Variants in MELK observed in about 807,000 individuals in gnomAD.
The protein encoded by MELK is pEg3 kinase.
Under a neutral mutation model 85.0 loss-of-function variants are expected in MELK, and 81 were observed. The observed-to-expected ratio is 0.95, with a 90% CI of 0.80 to 1.15. The LOEUF is 1.15. MELK is among the 50% of genes most tolerant of loss of function. The pLI is 0.00. For synonymous variants in MELK, 252 were observed against 265.0 expected, an observed-to-expected ratio of 0.95 and a Z score of 0.48; for missense variants, 754 against 777.5, an observed-to-expected ratio of 0.97 and a Z score of 0.36.
chr9:36,677,137 GCTT>G lies in MELK; in HGVS notation c.1779-19_1779-17del. ...CAGAATATGGTTCTCCTACTAACTAGCTTCTTATCTTGTTTTTCACAGTTATAC... is the reference window on the plus strand; with the variant it reads ...CAGAATATGGTTCTCCTACTAACTAGCTTATCTTGTTTTTCACAGTTATAC... On this transcript the variant is annotated intron_variant, in intron 17 of 17. Transcript: ENST00000298048. The G allele has an allele frequency of 6.2e-7, 1 of 1,603,290 alleles. No individual in the cohort carries two copies. Among genetic ancestry groups the G allele is most frequent in the Non-Finnish European group, 8.5e-7 (1 of 1,172,514 alleles).
chr9:36,592,797 T>C (rs761178522), intron 4 of MELK, among the ~76,000 whole-genome samples: 5 of 152,196 alleles, frequency 3.3e-5, no homozygotes, highest in Admixed American at 6.6e-5. Flanking sequence ...ACATTTCCTA[T>C]TGAGGTATAA....
chr9:36,610,108 G>A (rs1825941445), intron 8 of MELK, among the ~76,000 whole-genome samples: 1 of 152,174 alleles, frequency 6.6e-6, no homozygotes, highest in Non-Finnish European at 1.5e-5. Flanking sequence ...ATAGAAGTGG[G>A]AGAGACGTGG....
At chr9:36,606,520 G>C (rs1238781519) in intron 7 of MELK, among the ~76,000 whole-genome samples, 1 of 129,424 alleles carries the variant, frequency 7.7e-6, no homozygotes, top group Non-Finnish European at 1.6e-5. Context: ...ATGTATAGGT[G>C]TGTATATAAT....
chr9:36,643,808 C>T (rs73439134), intron 11 of MELK, among the ~76,000 whole-genome samples: 1 of 151,906 alleles, frequency 6.6e-6, no homozygotes, highest in Non-Finnish European at 1.5e-5. Context: ...GTAGCAGATG[C>T]CTGTAGTCTC....
At chr9:36,604,634 T>G (rs1825297608) in intron 7 of MELK, among the ~76,000 whole-genome samples, 1 of 151,634 alleles carries the variant, frequency 6.6e-6, no homozygotes, top group African/African-American at 2.4e-5. Context: ...ATTACAGGCG[T>G]GAGCCACCAT....
chr9:36,665,444 A>AAAATGT lies in MELK; in HGVS notation c.1273_1278dup (p.Asn425_Val426dup), dbSNP rs1587616789. The stretch of plus-strand genomic sequence containing the variant: ...CCTGCAAATAAATTAAAGAACAAAG[A>AAAATGT]AAATGTATATACTCCTAAGTCTGCT... On this transcript the variant is annotated inframe_insertion, in exon 14 of 18. Coordinates refer to ENST00000298048, the MANE Select transcript of MELK (RefSeq NM_014791.4). The AAAATGT allele has an allele frequency of 2.5e-6, 4 of 1,613,526 alleles. No individual in the cohort carries two copies. In the African/African-American group the frequency reaches 4.0e-5, roughly 16 times the overall value.
chr9:36,627,096 T>C lies in MELK; in HGVS notation c.667-3203T>C, dbSNP rs546558181. ...CACACACACACACACACACGCCAAC[T>C]GTAAATGAATGCGGCTAGAAGGATG... On this transcript the variant is annotated intron_variant, in intron 8 of 17. Transcript: ENST00000298048. Among the ~76,000 whole-genome samples the C allele has an allele frequency of 2.7e-4, 33 of 122,924 alleles. No individual in the cohort carries two copies. In the South Asian group the frequency reaches 8.3e-3, roughly 31 times the overall value. The allele number at this position is 122,924 out of a possible 152,430, so 80.6% of individuals were successfully genotyped here.
At chr9:36,630,188 T>A in intron 8 of MELK, 111 bp from the exon 9 acceptor site, 1 of 791,372 alleles carries the variant, frequency 1.3e-6, no homozygotes, top group South Asian at 1.6e-5. Flanking sequence ...CCAAGTATTG[T>A]AGTTGGGTGA....
At chr9:36,667,258 C>T (rs565525939) in intron 14 of MELK, among the ~76,000 whole-genome samples, 10 of 151,584 alleles carry the variant, frequency 6.6e-5, no homozygotes, top group Non-Finnish European at 8.8e-5. Flanking sequence ...TGGGTTCAAG[C>T]GATTCTCCTG....
chr9:36,674,206 C>G (rs1833139111), intron 16 of MELK, among the ~76,000 whole-genome samples: 1 of 152,066 alleles, frequency 6.6e-6, no homozygotes, highest in Non-Finnish European at 1.5e-5. Flanking sequence ...AGTAAACATT[C>G]AAAAGTAGTT....
At chr9:36,638,540 C>T (rs1250331867) in intron 10 of MELK, among the ~76,000 whole-genome samples, 1 of 152,152 alleles carries the variant, frequency 6.6e-6, no homozygotes, top group Non-Finnish European at 1.5e-5. Context: ...CGACCTCAGC[C>T]TCCCAAAGTT....
At chr9:36,618,632 T>C (rs535296830) in intron 8 of MELK, among the ~76,000 whole-genome samples, 1 of 152,196 alleles carries the variant, frequency 6.6e-6, no homozygotes, top group Admixed American at 6.5e-5. Flanking sequence ...CATTACTGTT[T>C]GCTTGTATTC....
intron 3 of MELK, among the ~76,000 whole-genome samples, 183 bp from the exon 4 acceptor site, chr9:36,589,353 T>C (rs1823286641): frequency 6.6e-6 from 1 of 152,084 alleles, no homozygotes; most frequent in Non-Finnish European, 1.5e-5. Flanking sequence ...TTTCATCGTG[T>C]TAGCCAGGAT....
intron 11 of MELK, among the ~76,000 whole-genome samples, chr9:36,648,816 C>T (rs1830445277): frequency 6.6e-6 from 1 of 152,050 alleles, no homozygotes; most frequent in African/African-American, 2.4e-5. Flanking sequence ...ACACATAGAA[C>T]CTCTCATCAG....
intron 14 of MELK, among the ~76,000 whole-genome samples, chr9:36,666,509 G>A (rs1480187851): frequency 1.3e-5 from 2 of 152,168 alleles, no homozygotes; most frequent in Non-Finnish European, 2.9e-5. Context: ...CAGTGATCCT[G>A]TTTATGTCAC....
chr9:36,674,893 A>G lies in MELK; in HGVS notation c.1734A>G (p.Ile578Met), dbSNP rs897387671. Reference protein sequence around the residue: ...LVNPDQLLNEIMSILPKKHVD... With the variant: ...LVNPDQLLNEMMSILPKKHVD... ...ATCCAGATCAACTGTTGAATGAAAT[A>G]ATGTCTATTCTTCCAAAGAAGCATG... is the stretch of plus-strand genomic sequence containing the variant. Residue 578 changes from isoleucine (I) to methionine (M), a missense_variant, in exon 17 of 18, where the codon ATA (isoleucine) becomes ATG (methionine). Transcript: ENST00000298048. 6.3e-7 allele frequency: 1 copy of G among 1,599,574 alleles called. No homozygotes were observed. Among genetic ancestry groups the G allele is most frequent in the East Asian group, 2.2e-5 (1 of 44,804 alleles).
At chr9:36,660,468 C>T (rs1242276666) in intron 13 of MELK, among the ~76,000 whole-genome samples, 1 of 152,064 alleles carries the variant, frequency 6.6e-6, no homozygotes, top group Admixed American at 6.5e-5. Flanking sequence ...TAGGCATGCA[C>T]CACCATGCCC....
chr9:36,606,879 GA>G (rs1169818625), intron 7 of MELK: 5 of 151,790 alleles, frequency 3.3e-5, no homozygotes, highest in African/African-American at 1.2e-4. Context: ...CCGACTCTTG[GA>G]TTCAAGCGAT....
intron 1 of MELK, among the ~76,000 whole-genome samples, chr9:36,577,721 G>A (rs961175873): frequency 1.3e-5 from 2 of 151,884 alleles, no homozygotes; most frequent in African/African-American, 2.4e-5. Flanking sequence ...GCATGATCTC[G>A]GCTCACCGCA....
Sources: allele counts gnomAD v4.1 joint callset (sites outside exome capture counted in the v4.1 genomes callset), GRCh38; gene constraint gnomAD v4.1.1; transcripts MANE v1.5; gene names NCBI Gene and HGNC (gene_info 2026-07-23, HGNC 2026-07-21).